CACNA1E: variants seen among roughly 807,000 people sequenced by gnomAD.
CACNA1E encodes the protein voltage-dependent R-type calcium channel subunit alpha-1E.
CACNA1E carries 40 observed loss-of-function variants against 259.2 expected under a neutral mutation model. That is an observed-to-expected ratio of 0.15 (90% confidence interval 0.12 to 0.20). The LOEUF (loss-of-function observed/expected upper bound fraction) is 0.20. CACNA1E is among the 10% of genes least tolerant of loss of function. CACNA1E has a pLI of 1.00. For missense variants in CACNA1E, 1,874 were observed against 3,040.1 expected, an observed-to-expected ratio of 0.62 and a Z score of 9.02; for synonymous variants, 1,104 against 1,138.5, an observed-to-expected ratio of 0.97 and a Z score of 0.61.
chr1:181,765,458 C>T (rs1207523230), intron 34 of CACNA1E, among the ~76,000 whole-genome samples: 2 of 152,168 alleles, frequency 1.3e-5, no homozygotes, highest in Non-Finnish European at 2.9e-5. Context: ...TAGTCAACCC[C>T]CATCACAGAG....
chr1:181,385,801 TC>T (rs1173332681), intron 1 of CACNA1E, among the ~76,000 whole-genome samples: 4 of 136,142 alleles, frequency 2.9e-5, no homozygotes, highest in Non-Finnish European at 6.4e-5. Context: ...CCTCCCTCCC[TC>T]CCTCCGTTTC....
At chr1:181,427,210 C>T (rs1451966293) in intron 2 of CACNA1E, among the ~76,000 whole-genome samples, 1 of 150,938 alleles carries the variant, frequency 6.6e-6, no homozygotes, top group Non-Finnish European at 1.5e-5. Flanking sequence ...TCAAGCCTAC[C>T]TCATCTGAAC....
chr1:181,715,915 G>A, intron 9 of CACNA1E, 125 bp from the exon 10 acceptor site: 1 of 658,710 alleles, frequency 1.5e-6, no homozygotes, highest in South Asian at 1.8e-5. Context: ...GGTATTAAAG[G>A]CAGATAGATG....
chr1:181,460,137 T>A (rs982607574), intron 2 of CACNA1E, among the ~76,000 whole-genome samples: 6 of 152,140 alleles, frequency 3.9e-5, no homozygotes, highest in Non-Finnish European at 7.4e-5. Context: ...TAGGGCCTGG[T>A]AGGACATGAT....
intron 1 of CACNA1E, among the ~76,000 whole-genome samples, chr1:181,386,689 G>A (rs56654925): frequency 0.062 from 9,383 of 152,176 alleles, 885 homozygotes; most frequent in African/African-American, 0.2. Context: ...ATAGCTCCAC[G>A]TGGCTAGTAG....
At chr1:181,414,042 A>G (rs1187910019) in intron 2 of CACNA1E, among the ~76,000 whole-genome samples, 1 of 152,240 alleles carries the variant, frequency 6.6e-6, no homozygotes, top group Non-Finnish European at 1.5e-5. Context: ...TGGATGGAGG[A>G]AAATGTCCAA....
At chr1:181,504,379 T>C (rs1442840731) in intron 1 of CACNA1E, among the ~76,000 whole-genome samples, 2 of 152,228 alleles carry the variant, frequency 1.3e-5, no homozygotes, top group Admixed American at 1.3e-4. Context: ...CACAGCATTC[T>C]ATCTGCCTGC....
chr1:181,419,404 A>G (rs868485307), intron 2 of CACNA1E, among the ~76,000 whole-genome samples: 15 of 152,136 alleles, frequency 9.9e-5, no homozygotes, highest in Admixed American at 6.5e-4. Flanking sequence ...ATTTATCAGG[A>G]TGGCTCCTCT....
At chr1:181,371,000 G>T (rs551075561) in intron 1 of CACNA1E, among the ~76,000 whole-genome samples, 1 of 152,222 alleles carries the variant, frequency 6.6e-6, no homozygotes, top group East Asian at 1.9e-4. Context: ...TTGTGGTTTT[G>T]ATTTGCATTT....
intron 3 of CACNA1E, among the ~76,000 whole-genome samples, chr1:181,575,664 T>G (rs1265262399): frequency 6.6e-6 from 1 of 152,176 alleles, no homozygotes; most frequent in African/African-American, 2.4e-5. Flanking sequence ...TTTTATGATA[T>G]GAAAAGAGTG....
intron 35 of CACNA1E, among the ~76,000 whole-genome samples, chr1:181,771,028 GAATGACTTCAA>G (rs1659459318): frequency 6.6e-6 from 1 of 152,152 alleles, no homozygotes; most frequent in Non-Finnish European, 1.5e-5. Context: ...TGTACAGGCA[GAATGACTTCAA>G]AAGAGCTTGC....
At chr1:181,632,990 C>G (rs184059011) in intron 6 of CACNA1E, among the ~76,000 whole-genome samples, 4 of 152,242 alleles carry the variant, frequency 2.6e-5, no homozygotes, top group African/African-American at 9.6e-5. Context: ...TTTTTATTAG[C>G]ACCCTGTATG....
chr1:181,485,834 A>C lies in CACNA1E; in HGVS notation c.266+1824A>C, dbSNP rs1168216600. Reference sequence around the variant, plus strand: ...CTCTCTTAGGGGCGTGTTTATTCAGACAGGCGCCCTCCCGTTTCTTTGCGG... The same window carrying C: ...CTCTCTTAGGGGCGTGTTTATTCAGCCAGGCGCCCTCCCGTTTCTTTGCGG... On this transcript the variant is annotated intron_variant, in intron 1 of 47. Transcript: ENST00000367573. This position sits in a 1 kb window ranked among gnomAD's most constrained non-coding sequence, Gnocchi z 4.2. Among the ~76,000 whole-genome samples, 2 of 152,162 alleles carry C rather than the reference A, an allele frequency of 1.3e-5. No homozygotes were observed. Among genetic ancestry groups the C allele is most frequent in the Non-Finnish European group, 2.9e-5 (2 of 68,024 alleles).
intron 43 of CACNA1E, 34 bp from the exon 44 acceptor site, chr1:181,790,411 C>A: frequency 2.2e-6 from 3 of 1,368,410 alleles, no homozygotes; most frequent in Non-Finnish European, 3.1e-6. Flanking sequence ...CATGACTGTC[C>A]CTCATTACCT....
chr1:181,442,240 A>G (rs2987275), intron 2 of CACNA1E, among the ~76,000 whole-genome samples: 2 of 142,174 alleles, frequency 1.4e-5, no homozygotes, highest in South Asian at 2.3e-4. Context: ...AGTATGAGGG[A>G]CACAGGTGTG....
At chr1:181,687,265 T>A (rs1650676914) in intron 7 of CACNA1E, among the ~76,000 whole-genome samples, 1 of 152,196 alleles carries the variant, frequency 6.6e-6, no homozygotes, top group Admixed American at 6.5e-5. Flanking sequence ...ATGTTTTCTG[T>A]CCTGCCTTTT....
intron 17 of CACNA1E, 108 bp downstream of exon 17, chr1:181,724,645 G>A (rs375904736): frequency 3.4e-6 from 3 of 881,118 alleles, no homozygotes; most frequent in Middle Eastern, 3.1e-4. Context: ...GGCCTGCCAG[G>A]AAGGCCCTTT....
chr1:181,485,460 C>T lies in CACNA1E; in HGVS notation c.266+1450C>T, dbSNP rs1240616378. On this transcript the variant is annotated intron_variant, in intron 1 of 47. Transcript: ENST00000367573. This position sits in a 1 kb window ranked among gnomAD's most constrained non-coding sequence, Gnocchi z 4.2. The stretch of plus-strand genomic sequence containing the variant: ...GGAGCATCTCTAAGCAGATATTCTT[C>T]CTGCTGCTGTTCGCATCCTCCCACA... Among the ~76,000 whole-genome samples, 2 of 152,318 alleles carry T rather than the reference C, an allele frequency of 1.3e-5. No individual in the cohort carries two copies. Among genetic ancestry groups the T allele is most frequent in the Non-Finnish European group, 2.9e-5 (2 of 68,026 alleles).
chr1:181,719,293 C>T (rs1004388711), intron 12 of CACNA1E, among the ~76,000 whole-genome samples: 15 of 152,186 alleles, frequency 9.9e-5, no homozygotes, highest in East Asian at 1.9e-4. Flanking sequence ...TGTCACATTG[C>T]GGGATGCAAG....
Sources: gnomAD v4.1 joint callset for allele counts (sites outside exome capture counted in the v4.1 genomes callset) on GRCh38, gnomAD v4.1.1 for gene constraint, Gnocchi (gnomAD v3.1) non-coding constraint, MANE v1.5 for transcripts, NCBI Gene and HGNC (gene_info 2026-07-23, HGNC 2026-07-21) for gene names.